ADGRB3: variants seen among roughly 807,000 people sequenced by gnomAD.
ADGRB3 encodes adhesion G protein-coupled receptor B3.
Under a neutral mutation model 193.4 loss-of-function variants are expected in ADGRB3, and 37 were observed. The ratio of observed to expected loss-of-function variants is 0.19; its 90% CI spans 0.15 to 0.25. ADGRB3 has a LOEUF of 0.25. Ranked by LOEUF, ADGRB3 falls within the 10% of genes least tolerant of loss-of-function variation. The probability of loss-of-function intolerance (pLI) is 1.00; values close to 1 mark genes in which losing one functional copy is unlikely to be tolerated. For missense variants in ADGRB3, 1,637 were observed against 1,852.9 expected (o/e 0.88, Z 2.14); for synonymous variants, 690 against 644.2 (o/e 1.07, Z -1.08).
intron 11 of ADGRB3, among the ~76,000 whole-genome samples, chr6:68,999,222 T>TC (rs1309279648): frequency 1.3e-5 from 2 of 151,908 alleles, no homozygotes; most frequent in Non-Finnish European, 2.9e-5. Flanking sequence ...CTGTCATAAC[T>TC]CCAAGACTAT....
intron 15 of ADGRB3, among the ~76,000 whole-genome samples, chr6:69,054,303 G>A (rs1771482926): frequency 6.6e-6 from 1 of 151,868 alleles, no homozygotes; most frequent in African/African-American, 2.4e-5. Flanking sequence ...TATATATTCA[G>A]GAAATTGAAC....
At chr6:69,309,409 C>T (rs960626019) in intron 20 of ADGRB3, among the ~76,000 whole-genome samples, 1 of 151,622 alleles carries the variant, frequency 6.6e-6, no homozygotes, top group Non-Finnish European at 1.5e-5. Flanking sequence ...CATCCTAGAA[C>T]CCTGGAAGAA....
At chr6:69,350,677 A>G (rs1427378445) in intron 26 of ADGRB3, among the ~76,000 whole-genome samples, 1 of 152,132 alleles carries the variant, frequency 6.6e-6, no homozygotes, top group Non-Finnish European at 1.5e-5. Context: ...TCAAAGAATA[A>G]TATTATTGCC....
intron 17 of ADGRB3, among the ~76,000 whole-genome samples, chr6:69,101,193 G>T (rs1328644908): frequency 3.3e-5 from 5 of 151,972 alleles, no homozygotes; most frequent in African/African-American, 4.8e-5. Context: ...GTAATAAAGT[G>T]CTTGTATAAA....
At chr6:68,866,002 G>T (rs1258493101) in intron 3 of ADGRB3, among the ~76,000 whole-genome samples, 2 of 152,110 alleles carry the variant, frequency 1.3e-5, no homozygotes, top group African/African-American at 2.4e-5. Flanking sequence ...GATCAGAGTG[G>T]TTCTGTAATC....
At chr6:68,688,933 T>C (rs1203414909) in intron 3 of ADGRB3, among the ~76,000 whole-genome samples, 5 of 152,156 alleles carry the variant, frequency 3.3e-5, no homozygotes, top group African/African-American at 4.8e-5. Flanking sequence ...TTTCTTATTT[T>C]ACTCTGTCAG....
intron 3 of ADGRB3, among the ~76,000 whole-genome samples, chr6:68,664,875 G>C (rs1561987587): frequency 6.6e-6 from 1 of 151,940 alleles, no homozygotes; most frequent in Admixed American, 6.6e-5. Flanking sequence ...AGCACAAGGA[G>C]AGTGTGGCTG....
At chr6:69,207,466 A>G (rs971014197) in intron 17 of ADGRB3, among the ~76,000 whole-genome samples, 1 of 152,140 alleles carries the variant, frequency 6.6e-6, no homozygotes, top group African/African-American at 2.4e-5. Flanking sequence ...GCAGCAACTT[A>G]TCCTTCACCT....
chr6:69,016,843 A>T (rs1294501229), intron 12 of ADGRB3, among the ~76,000 whole-genome samples: 1 of 151,412 alleles, frequency 6.6e-6, no homozygotes, highest in Non-Finnish European at 1.5e-5. Flanking sequence ...GGAGGGAGAG[A>T]CTCTTCCCTT....
chr6:68,839,533 T>C (rs1420948931), intron 3 of ADGRB3, among the ~76,000 whole-genome samples: 1 of 152,190 alleles, frequency 6.6e-6, no homozygotes, highest in Non-Finnish European at 1.5e-5. Flanking sequence ...GATGTCACCT[T>C]ATAGGAACAA....
intron 17 of ADGRB3, among the ~76,000 whole-genome samples, chr6:69,177,358 T>C (rs1359717519): frequency 6.6e-6 from 1 of 152,074 alleles, no homozygotes; most frequent in Non-Finnish European, 1.5e-5. Flanking sequence ...AGATTTTTTT[T>C]TTTATTTTTA....
Position 69,147,010 on chromosome 6 carries a change from T to G in ADGRB3, c.2480+70972T>G, listed in dbSNP as rs530231190. On this transcript the variant is annotated intron_variant, in intron 17 of 31. Coordinates refer to ENST00000370598, the MANE Select transcript of ADGRB3 (RefSeq NM_001704.3). ...CTTATCAGTGGTAATGTCTCCTTTA[T>G]CATTTCTGATTTTATTTATTTGGGT... 2.6e-4 allele frequency among the ~76,000 whole-genome samples: 39 copies of G among 152,160 alleles called. No individual in the cohort carries two copies. The South Asian group carries it at 5.6e-3, about 22-fold the overall frequency.
intron 17 of ADGRB3, among the ~76,000 whole-genome samples, chr6:69,196,727 G>T (rs1313167514): frequency 6.6e-6 from 1 of 152,112 alleles, no homozygotes; most frequent in Admixed American, 6.6e-5. Flanking sequence ...TGAATTTTAG[G>T]AGAGCATGAT....
chr6:69,169,775 A>C (rs906888136), intron 17 of ADGRB3, among the ~76,000 whole-genome samples: 1 of 152,102 alleles, frequency 6.6e-6, no homozygotes, highest in African/African-American at 2.4e-5. Flanking sequence ...ATATTCAACC[A>C]TTTCTAATGT....
chr6:68,847,178 TA>T (rs1227093165), intron 3 of ADGRB3, among the ~76,000 whole-genome samples: 1 of 152,198 alleles, frequency 6.6e-6, no homozygotes, highest in African/African-American at 2.4e-5. Flanking sequence ...CCAATACCCA[TA>T]CCCCTATTGT....
chr6:69,369,936 T>G (rs1285974578), intron 29 of ADGRB3, among the ~76,000 whole-genome samples: 2 of 152,140 alleles, frequency 1.3e-5, no homozygotes, highest in Admixed American at 6.6e-5. Context: ...GCTTAGAAAG[T>G]CAGACTTGGA....
At chr6:69,220,306 C>T (rs1765865470) in intron 17 of ADGRB3, among the ~76,000 whole-genome samples, 1 of 152,080 alleles carries the variant, frequency 6.6e-6, no homozygotes, top group African/African-American at 2.4e-5. Flanking sequence ...TCCAATACTT[C>T]TTCTGCAAAT....
At chr6:68,716,891 G>A (rs1212960335) in intron 3 of ADGRB3, among the ~76,000 whole-genome samples, 2 of 151,634 alleles carry the variant, frequency 1.3e-5, no homozygotes, top group African/African-American at 4.8e-5. Flanking sequence ...TAGTTTCTAT[G>A]AGCCTGTAAA....
At chr6:68,920,987 G>T (rs1321423267) in intron 3 of ADGRB3, among the ~76,000 whole-genome samples, 1 of 151,944 alleles carries the variant, frequency 6.6e-6, no homozygotes, top group Admixed American at 6.6e-5. Context: ...TACGCTTTAT[G>T]TATATGTAAA....
Sources: gnomAD v4.1 joint callset for allele counts (sites outside exome capture counted in the v4.1 genomes callset) on GRCh38, gnomAD v4.1.1 for gene constraint, MANE v1.5 for transcripts, NCBI Gene and HGNC (gene_info 2026-07-23, HGNC 2026-07-21) for gene names.